The following ASCC3 variants were observed in gnomAD, a reference collection of about 807,000 sequenced individuals.
The protein encoded by ASCC3 is ASC-1 complex subunit P200.
In ASCC3, 158 loss-of-function variants were observed where a neutral mutation model predicts 256.3. The ratio of observed to expected loss-of-function variants is 0.62; its 90% confidence interval spans 0.54 to 0.70. ASCC3 has a LOEUF of 0.70. ASCC3 is among the 30% of genes least tolerant of loss of function. The pLI is 0.00. For synonymous variants in ASCC3, 948 were observed against 883.4 expected, an observed-to-expected ratio of 1.07 and a Z score of -1.30; for missense variants, 2,259 against 2,626.0, an observed-to-expected ratio of 0.86 and a Z score of 3.05.
intron 36 of ASCC3, among the ~76,000 whole-genome samples, chr6:100,566,852 G>C (rs1429785456): frequency 6.6e-6 from 1 of 151,998 alleles, no homozygotes; most frequent in Non-Finnish European, 1.5e-5. Flanking sequence ...TGTATTTTCT[G>C]TCTCTACTTT....
chr6:100,880,229 G>C (rs781165829), intron 1 of ASCC3, among the ~76,000 whole-genome samples: 3 of 151,860 alleles, frequency 2.0e-5, no homozygotes, highest in Non-Finnish European at 2.9e-5. Flanking sequence ...ATAAACTGGA[G>C]CACAATCCAT....
At chr6:100,723,893 TA>T (rs1562251428) in intron 11 of ASCC3, among the ~76,000 whole-genome samples, 6,656 of 123,094 alleles carry the variant, frequency 0.054, 251 homozygotes, top group Non-Finnish European at 0.08. Flanking sequence ...TATATATATA[TA>T]TATTTATAAT....
intron 36 of ASCC3, among the ~76,000 whole-genome samples, chr6:100,579,998 T>G (rs1445051926): frequency 6.6e-6 from 1 of 152,176 alleles, no homozygotes; most frequent in Non-Finnish European, 1.5e-5. Flanking sequence ...AACTCTGATT[T>G]TTTTGAGCAG....
rs1411043471 is a variant in ASCC3 at position 100,651,551 on chromosome 6, A to T, written c.3075+9T>A. 3 of 1,537,396 alleles carry T rather than the reference A, an allele frequency of 2.0e-6. No homozygotes were observed. Among genetic ancestry groups the T allele is most frequent in the Non-Finnish European group, 2.7e-6 (3 of 1,126,650 alleles). On this transcript the variant is annotated intron_variant, in intron 19 of 41. Transcript: ENST00000369162. ...GTATGCATTTGATTCAAATTTCAAG[A>T]AATCTTACCTTAATTTGATCAAATT...
At chr6:100,644,437 G>A (rs1019104759) in intron 22 of ASCC3, among the ~76,000 whole-genome samples, 1 of 152,048 alleles carries the variant, frequency 6.6e-6, no homozygotes. Flanking sequence ...CATATAATAT[G>A]CAGTCTTTTG....
At chr6:100,828,829 A>G (rs1771466302) in intron 4 of ASCC3, among the ~76,000 whole-genome samples, 2 of 152,070 alleles carry the variant, frequency 1.3e-5, no homozygotes, top group African/African-American at 4.8e-5. Flanking sequence ...AAGCTTCCAC[A>G]GTGTGGAAGC....
chr6:100,584,466 G>A (rs965100350), intron 36 of ASCC3, among the ~76,000 whole-genome samples: 2 of 151,728 alleles, frequency 1.3e-5, no homozygotes, highest in Non-Finnish European at 2.9e-5. Flanking sequence ...CTTTTATTTT[G>A]AGCCTATGTG....
At chr6:100,819,871 C>G (rs1770952017) in intron 4 of ASCC3, among the ~76,000 whole-genome samples, 1 of 151,876 alleles carries the variant, frequency 6.6e-6, no homozygotes, top group Non-Finnish European at 1.5e-5. Flanking sequence ...ATCCTTCAAT[C>G]CAATCAAGTT....
intron 8 of ASCC3, among the ~76,000 whole-genome samples, chr6:100,777,820 T>G (rs375551074): frequency 1.3e-5 from 2 of 152,152 alleles, no homozygotes; most frequent in African/African-American, 4.8e-5. Flanking sequence ...AGGTAGGTCA[T>G]AGCAAAGACG....
intron 36 of ASCC3, among the ~76,000 whole-genome samples, chr6:100,574,782 C>T (rs1327951696): frequency 1.3e-5 from 2 of 151,794 alleles, no homozygotes; most frequent in Non-Finnish European, 2.9e-5. Context: ...GCTTAAAAAC[C>T]TATAATCTAC....
At chr6:100,638,478 G>A (rs1774953949) in intron 25 of ASCC3, 123 bp downstream of exon 25, 1 of 795,234 alleles carries the variant, frequency 1.3e-6, no homozygotes, top group African/African-American at 1.7e-5. Flanking sequence ...CTGGTCCCCT[G>A]GGAAATTCAC....
rs115284191 is a variant in ASCC3 at position 100,875,097 on chromosome 6, G to A, written c.-42+5964C>T. Among the ~76,000 whole-genome samples the A allele has an allele frequency of 4.8e-3, 737 of 152,186 alleles. 9 individuals are homozygous for A. Among genetic ancestry groups the A allele is most frequent in the African/African-American group, 0.017 (713 of 41,514 alleles). On this transcript the variant is annotated intron_variant, in intron 1 of 41. Coordinates refer to ENST00000369162, the MANE Select transcript of ASCC3 (RefSeq NM_006828.4). ...TACATGTGGTGAACTGTCAAGGTGG[G>A]GTCAAACAGGACACAGGCAAACCAG...
At chr6:100,819,766 G>C (rs576361863) in intron 4 of ASCC3, among the ~76,000 whole-genome samples, 1 of 152,096 alleles carries the variant, frequency 6.6e-6, no homozygotes, top group Non-Finnish European at 1.5e-5. Context: ...CACCCACCCC[G>C]ACTGAGGGTG....
In ASCC3 at chr6:100,771,725, C is replaced by T. The variant is rs145310165; in HGVS notation, c.1396-4380G>A. Among the ~76,000 whole-genome samples the T allele has an allele frequency of 3.4e-3, 517 of 151,924 alleles. 3 individuals are homozygous for T. The highest frequency in any genetic ancestry group is 0.012 in the African/African-American group (493 of 41,424). On this transcript the variant is annotated intron_variant, in intron 8 of 41. Transcript: ENST00000369162. Reference sequence around the variant, plus strand: ...CACAACTATGCACCTGTTAAAATGGCTAACATTTAAAAAATTGGCAAAATG... The same window carrying T: ...CACAACTATGCACCTGTTAAAATGGTTAACATTTAAAAAATTGGCAAAATG...
chr6:100,512,349 G>A (rs1014668970), intron 40 of ASCC3, among the ~76,000 whole-genome samples: 8 of 152,268 alleles, frequency 5.3e-5, no homozygotes, highest in Admixed American at 1.3e-4. Context: ...CTGAGTGAAG[G>A]TATAGATTTT....
chr6:100,608,090 CTATATACACATATATAT>C (rs1773022713), intron 30 of ASCC3, among the ~76,000 whole-genome samples: 1 of 71,622 alleles, frequency 1.4e-5, no homozygotes, highest in South Asian at 3.5e-4. Context: ...GTATATATAT[CTATATACACATATATAT>C]GTATATATAT....
chr6:100,512,858 A>G lies in ASCC3; in HGVS notation c.6136T>C (p.Trp2046Arg). Residue 2046 changes from tryptophan (W) to arginine (R), a missense_variant, in exon 40 of 42, where the codon TGG (tryptophan) becomes CGG (arginine). Coordinates refer to ENST00000369162, the MANE Select transcript of ASCC3 (RefSeq NM_006828.4). ...TTATGTCCTTCAACTAAGTCATCCC[A>G]CGAGCCTTTAACACTTATGCCAACA... ...INVGISVKGS[W>R]DDLVEGHNEL... is the part of the protein sequence containing the mutation. 1 of 1,614,108 alleles carries G rather than the reference A, an allele frequency of 6.2e-7. No homozygotes were observed. The highest frequency in any genetic ancestry group is 8.5e-7 in the Non-Finnish European group (1 of 1,179,986).
chr6:100,783,102 T>C (rs1782522885), intron 8 of ASCC3, among the ~76,000 whole-genome samples: 1 of 152,084 alleles, frequency 6.6e-6, no homozygotes, highest in African/African-American at 2.4e-5. Context: ...TGAGCTCTCA[T>C]GTATTATATA....
chr6:100,621,031 T>C (rs1234862871), intron 30 of ASCC3, among the ~76,000 whole-genome samples: 1 of 152,170 alleles, frequency 6.6e-6, no homozygotes. Flanking sequence ...AAACAAAGCA[T>C]AGTTTGCCTT....
Sources: gnomAD v4.1 joint callset for allele counts (sites outside exome capture counted in the v4.1 genomes callset) on GRCh38, gnomAD v4.1.1 for gene constraint, MANE v1.5 for transcripts, NCBI Gene and HGNC (gene_info 2026-07-23, HGNC 2026-07-21) for gene names.